RB1CC1: variants seen among roughly 807,000 people sequenced by gnomAD.
The protein encoded by RB1CC1 is RB1 inducible coiled-coil 1.
A neutral mutation model predicts 177.5 loss-of-function variants in RB1CC1; 46 were observed. The ratio of observed to expected loss-of-function variants is 0.26; its 90% CI spans 0.20 to 0.33. RB1CC1 has a LOEUF of 0.33. Ranked by LOEUF, RB1CC1 falls within the 10% of genes least tolerant of loss-of-function variation. The pLI, the probability that RB1CC1 is intolerant of heterozygous loss-of-function variation, is 1.00. For missense variants in RB1CC1, 1,703 were observed against 1,816.3 expected, an observed-to-expected ratio of 0.94 and a Z score of 1.13; for synonymous variants, 666 against 613.6, an observed-to-expected ratio of 1.09 and a Z score of -1.26.
chr8:52,674,391 T>C, intron 6 of RB1CC1, 117 bp from the exon 7 acceptor site: 1 of 876,276 alleles, frequency 1.1e-6, no homozygotes. Flanking sequence ...CTCCATAACA[T>C]TATACATACA....
rs543866934 is a variant in RB1CC1, at chr8:52,671,505, C to T, written c.1002+2340G>A. Among the ~76,000 whole-genome samples, 11 of 152,284 alleles carry T rather than the reference C, an allele frequency of 7.2e-5. No individual in the cohort carries two copies. The South Asian group carries it at 2.3e-3, about 32-fold the overall frequency. On this transcript the variant is annotated intron_variant, in intron 7 of 23. Transcript: ENST00000025008. ...GAGAGAAATCTCATACTCGGTTCAT[C>T]TTCAGAAATGCCCCTAGTCTTATCA...
intron 1 of RB1CC1, among the ~76,000 whole-genome samples, chr8:52,702,306 CAT>C (rs1388674741): frequency 1.3e-5 from 2 of 152,150 alleles, no homozygotes; most frequent in African/African-American, 2.4e-5. Context: ...AAAGAAGTAT[CAT>C]ATGACCTACA....
intron 4 of RB1CC1, 74 bp from the exon 5 acceptor site, chr8:52,683,793 A>T: frequency 1.3e-6 from 2 of 1,564,234 alleles, no homozygotes; most frequent in Non-Finnish European, 8.7e-7. Flanking sequence ...TGCCTTCAAT[A>T]TATGAAGCAA....
chr8:52,698,847 G>A (rs888928945), intron 1 of RB1CC1, among the ~76,000 whole-genome samples: 4 of 150,840 alleles, frequency 2.7e-5, no homozygotes, highest in Non-Finnish European at 5.9e-5. Context: ...CTGCCACCAC[G>A]CCCGGCTAAT....
rs1005731255 is a variant in RB1CC1, at chr8:52,661,394, CTACAAAAA to C, written c.1359-121_1359-114del. 1.5e-4 allele frequency: 221 copies of C among 1,466,080 alleles called. 2 individuals carry two copies. In the African/African-American group the frequency reaches 3.0e-3, roughly 20 times the overall value. The allele number at this position is 1,466,080 out of a possible 1,614,324, so 90.8% of individuals were successfully genotyped here. Reference sequence around the variant, plus strand: ...CCAAAGAAATCAAGATATATAAGCTCTACAAAAATAGTCTAATTCCAAAGTTCATCAAT... The same window carrying C: ...CCAAAGAAATCAAGATATATAAGCTCTAGTCTAATTCCAAAGTTCATCAAT... On this transcript the variant is annotated intron_variant, in intron 9 of 23. Transcript: ENST00000025008.
chr8:52,657,712 G>A lies in RB1CC1; in HGVS notation c.2117C>T (p.Pro706Leu). 3.1e-6 allele frequency: 5 copies of A among 1,614,006 alleles called. No individual in the cohort carries two copies. Among genetic ancestry groups the A allele is most frequent in the Non-Finnish European group, 4.2e-6 (5 of 1,180,002 alleles). ...AATAGTCTGTTCTATGTTTGGATGG[G>A]GAATAGTTTCAAAATCAAACGTATG... is the stretch of plus-strand genomic sequence containing the variant. ...DAHTFDFETI[P>L]HPNIEQTIHQ... Residue 706 changes from proline (P) to leucine (L), a missense_variant, in exon 15 of 24, where the codon CCC becomes CTC. This residue lies in a region of RB1CC1 where 1,169 missense variants were observed against 1,184.7 expected (regional missense o/e 0.99). Coordinates refer to ENST00000025008, the MANE Select transcript of RB1CC1 (RefSeq NM_014781.5).
In RB1CC1 at chr8:52,680,988, GTGTGTGT is replaced by G. The variant is rs1430124561; in HGVS notation, c.369+2554_369+2560del. Among the ~76,000 whole-genome samples the G allele has an allele frequency of 4.1e-5, 5 of 122,604 alleles. No individual in the cohort carries two copies. In the East Asian group the frequency reaches 6.2e-4, roughly 15 times the overall value. 80.4% of individuals were successfully genotyped at this position (122,604 alleles called of 152,430 possible). On this transcript the variant is annotated intron_variant, in intron 5 of 23. Coordinates refer to ENST00000025008, the MANE Select transcript of RB1CC1 (RefSeq NM_014781.5). ...GGGTTTTGTGTGTGTGTGTGTGTGT[GTGTGTGT>G]TTTTTTTTTTTTTTGAGATGAAGTC...
intron 1 of RB1CC1, among the ~76,000 whole-genome samples, chr8:52,689,463 C>T (rs112771340): frequency 4.6e-5 from 7 of 152,270 alleles, no homozygotes; most frequent in African/African-American, 1.7e-4. Flanking sequence ...TTCCTACATG[C>T]TAGGTAGGTT....
chr8:52,680,990 GTGTGTT>G (rs1406293174), intron 5 of RB1CC1, among the ~76,000 whole-genome samples: 2 of 121,628 alleles, frequency 1.6e-5, no homozygotes, highest in Admixed American at 7.8e-5. Context: ...GTGTGTGTGT[GTGTGTT>G]TTTTTTTTTT....
At chr8:52,626,411 G>A (rs1267273201) in intron 22 of RB1CC1, among the ~76,000 whole-genome samples, 1 of 152,054 alleles carries the variant, frequency 6.6e-6, no homozygotes, top group African/African-American at 2.4e-5. Context: ...GAAAGGTAAT[G>A]GGCTAAGATG....
At chr8:52,710,615 A>G (rs1591166785) in intron 1 of RB1CC1, among the ~76,000 whole-genome samples, 1 of 152,212 alleles carries the variant, frequency 6.6e-6, no homozygotes, top group South Asian at 2.1e-4. Context: ...TGGTGTCCCT[A>G]TCGTTTATAA....
At chr8:52,638,301 G>A (rs1479581932) in intron 18 of RB1CC1, among the ~76,000 whole-genome samples, 1 of 152,112 alleles carries the variant, frequency 6.6e-6, no homozygotes, top group Non-Finnish European at 1.5e-5. Context: ...ACTTTTAGAT[G>A]TTAAACCAAC....
At chr8:52,645,143 C>T (rs1348795708) in intron 16 of RB1CC1, among the ~76,000 whole-genome samples, 1 of 152,116 alleles carries the variant, frequency 6.6e-6, no homozygotes, top group Non-Finnish European at 1.5e-5. Flanking sequence ...TTACTATTGA[C>T]CAACAACAGT....
chr8:52,624,243 G>T (rs1197160384), intron 23 of RB1CC1, among the ~76,000 whole-genome samples: 1 of 151,922 alleles, frequency 6.6e-6, no homozygotes, highest in African/African-American at 2.4e-5. Flanking sequence ...ATTATAGTGA[G>T]TCAGGAAGAA....
At chr8:52,627,673 AGTTT>A (rs1480270808) in intron 22 of RB1CC1, among the ~76,000 whole-genome samples, 1 of 152,074 alleles carries the variant, frequency 6.6e-6, no homozygotes, top group Admixed American at 6.5e-5. Context: ...AATTTAAGAA[AGTTT>A]TTTTTGCCAA....
intron 18 of RB1CC1, among the ~76,000 whole-genome samples, chr8:52,642,024 T>C (rs530067706): frequency 9.5e-4 from 144 of 152,222 alleles, no homozygotes; most frequent in South Asian, 1.9e-3. Context: ...ATATATTCAT[T>C]ACTACAATAA....
chr8:52,702,381 A>G (rs1353611800), intron 1 of RB1CC1, among the ~76,000 whole-genome samples: 1 of 152,208 alleles, frequency 6.6e-6, no homozygotes, highest in African/African-American at 2.4e-5. Flanking sequence ...TCTTCTCCAG[A>G]AGATCCATGA....
At chr8:52,706,726 CCTCT>C (rs1341464233) in intron 1 of RB1CC1, among the ~76,000 whole-genome samples, 89 of 150,736 alleles carry the variant, frequency 5.9e-4, no homozygotes, top group Non-Finnish European at 4.0e-4. Flanking sequence ...AACGAGACTC[CCTCT>C]GTTTCAAAAA....
At chr8:52,663,941 G>A (rs1484958505) in intron 8 of RB1CC1, among the ~76,000 whole-genome samples, 1 of 152,174 alleles carries the variant, frequency 6.6e-6, no homozygotes, top group African/African-American at 2.4e-5. Context: ...GGAAGAGACT[G>A]TATTAAACAG....
Sources: gnomAD v4.1 joint callset for allele counts (sites outside exome capture counted in the v4.1 genomes callset) on GRCh38, gnomAD v4.1.1 for gene constraint, gnomAD v4.1.1 regional missense constraint, MANE v1.5 for transcripts, NCBI Gene and HGNC (gene_info 2026-07-23, HGNC 2026-07-21) for gene names.